Variants in ACSF2 observed in about 807,000 individuals in gnomAD.
ACSF2 encodes the protein acyl-CoA synthetase family member 2, also known as medium-chain acyl-CoA ligase ACSF2, mitochondrial.
In ACSF2, 52 loss-of-function variants were observed where a neutral mutation model predicts 79.3. That is an observed-to-expected ratio of 0.66 (90% CI 0.53 to 0.83). ACSF2 has a LOEUF of 0.83. ACSF2 is among the 40% of genes least tolerant of loss of function. The pLI is 0.00. For missense variants in ACSF2, 661 were observed against 803.3 expected (o/e 0.82, Z 2.14); for synonymous variants, 283 against 312.6 (o/e 0.91, Z 1.00).
At chr17:50,461,778 G>C (rs1449787470) in intron 4 of ACSF2, 92 bp downstream of exon 4, 2 of 1,497,904 alleles carry the variant, frequency 1.3e-6, no homozygotes, top group South Asian at 2.3e-5. Flanking sequence ...GTGTGAGCTA[G>C]GGCATGCATA....
chr17:50,468,385 G>A (rs2032885816), intron 10 of ACSF2: 1 of 1,614,222 alleles, frequency 6.2e-7, no homozygotes, highest in Non-Finnish European at 8.5e-7. Context: ...CCAGCGGGGA[G>A]AGCAACCCCC....
At chr17:50,429,223 C>T (rs1915298421) in intron 1 of ACSF2, among the ~76,000 whole-genome samples, 1 of 152,228 alleles carries the variant, frequency 6.6e-6, no homozygotes, top group African/African-American at 2.4e-5. Context: ...TCATTACTTA[C>T]TACCTTCTTG....
chr17:50,451,061 G>A (rs548169285), intron 1 of ACSF2, among the ~76,000 whole-genome samples: 72 of 152,188 alleles, frequency 4.7e-4, no homozygotes, highest in Middle Eastern at 6.8e-3. Context: ...CTAGGCCTCC[G>A]GAGTAGCTGG....
rs192740256 is a variant in ACSF2, at chr17:50,430,211, G to T, written c.128+3822G>T. 2.1e-3 allele frequency among the ~76,000 whole-genome samples: 327 copies of T among 152,298 alleles called. 1 individual carries two copies. The highest frequency in any genetic ancestry group is 8.1e-3 in the South Asian group (39 of 4,824). ...TTGTGGACCACCCTCCATGGGGATG[G>T]CTATGATCATATAAGACTGTGGACC... is the stretch of plus-strand genomic sequence containing the variant. On this transcript the variant is annotated intron_variant, in intron 1 of 15. Transcript: ENST00000300441.
intron 6 of ACSF2, chr17:50,462,928 A>C: frequency 1.7e-6 from 1 of 587,574 alleles, no homozygotes; most frequent in Admixed American, 3.2e-5. Context: ...TGTGGGTGGC[A>C]GAGTTCTCTG....
chr17:50,436,353 T>C (rs2030421265), intron 1 of ACSF2, among the ~76,000 whole-genome samples: 1 of 152,024 alleles, frequency 6.6e-6, no homozygotes, highest in African/African-American at 2.4e-5. Context: ...TTGGTCTCGA[T>C]CTCCTGACCT....
rs990891230 is a variant in ACSF2 at position 50,463,639 on chromosome 17, C to T, written c.1046+87C>T. 1.3e-6 allele frequency: 2 copies of T among 1,562,794 alleles called. No individual in the cohort carries two copies. Among genetic ancestry groups the T allele is most frequent in the Non-Finnish European group, 1.7e-6 (2 of 1,150,020 alleles). On this transcript the variant is annotated intron_variant, in intron 8 of 15. Transcript: ENST00000300441. The surrounding 1 kb of genome is among the most constrained non-coding windows in gnomAD (Gnocchi z 4.6). Reference sequence around the variant, plus strand: ...GCCCTGACACCTTTCCAAGCTGCCTCCTCCCTCCAGCCAGGAGACTGAGGA... The same window carrying T: ...GCCCTGACACCTTTCCAAGCTGCCTTCTCCCTCCAGCCAGGAGACTGAGGA...
intron 10 of ACSF2, chr17:50,466,017 G>A: frequency 1.4e-6 from 1 of 726,902 alleles, no homozygotes; most frequent in East Asian, 2.7e-5. Flanking sequence ...GTATGACCAA[G>A]TGATCTCAGA....
intron 1 of ACSF2, among the ~76,000 whole-genome samples, chr17:50,459,628 C>T (rs1246275619): frequency 6.6e-6 from 1 of 152,108 alleles, no homozygotes; most frequent in Non-Finnish European, 1.5e-5. Context: ...GCTTGACGTG[C>T]CCTTACTTAG....
At chr17:50,460,040 A>AT (rs201047892) in intron 1 of ACSF2, among the ~76,000 whole-genome samples, 1,761 of 152,284 alleles carry the variant, frequency 0.012, 42 homozygotes, top group African/African-American at 0.04. Context: ...GCCATTTGGC[A>AT]TATAGGGGCT....
At chr17:50,454,837 A>G (rs1002535214) in intron 1 of ACSF2, among the ~76,000 whole-genome samples, 8 of 152,120 alleles carry the variant, frequency 5.3e-5, no homozygotes, top group African/African-American at 1.7e-4. Context: ...ACATATGCCA[A>G]TTGAACTGGA....
chr17:50,468,451 G>T (rs1356039910), intron 10 of ACSF2: 1 of 1,614,158 alleles, frequency 6.2e-7, no homozygotes, highest in Admixed American at 1.7e-5. Flanking sequence ...GCTCGGTCAG[G>T]TCGTCGAAGG....
At chr17:50,437,703 G>T (rs183723196) in intron 1 of ACSF2, among the ~76,000 whole-genome samples, 5 of 151,956 alleles carry the variant, frequency 3.3e-5, no homozygotes, top group Admixed American at 2.6e-4. Context: ...CATAACAGGC[G>T]CTGTGGGTCT....
Position 50,462,189 on chromosome 17 carries a change from C to T in ACSF2, c.513C>T (p.Gly171=), listed in dbSNP as rs767525197. ...GGGGGACTCCCCTTCCACAGGTGGG[C>T]TGCAAGGCCCTTGTGTTCCCCAAGC... is the stretch of plus-strand genomic sequence containing the variant. The part of the protein sequence containing the change: ...MELEYVLKKV[G]CKALVFPKQF... Residue 171 remains glycine, a synonymous_variant, in exon 5 of 16, where the codon GGC becomes GGT. Coordinates refer to ENST00000300441, the MANE Select transcript of ACSF2 (RefSeq NM_025149.6). 10 of 1,613,828 alleles carry T rather than the reference C, an allele frequency of 6.2e-6. No homozygotes were observed. The South Asian group carries it at 1.1e-4, about 18-fold the overall frequency.
chr17:50,468,766 C>T, intron 10 of ACSF2: 2 of 1,586,652 alleles, frequency 1.3e-6, no homozygotes, highest in South Asian at 1.1e-5. Flanking sequence ...GCGCCGGCAG[C>T]AGACCAGCCA....
chr17:50,432,948 C>T (rs2030065822), intron 1 of ACSF2, among the ~76,000 whole-genome samples: 1 of 152,118 alleles, frequency 6.6e-6, no homozygotes, highest in African/African-American at 2.4e-5. Context: ...AGTATGCAGC[C>T]TTCATACGTG....
At position 50,460,873 on chromosome 17, in the gene ACSF2, G is replaced by C; in HGVS notation, c.324+1G>C. 1 of 1,606,924 alleles carries C rather than the reference G, an allele frequency of 6.2e-7. No individual in the cohort carries two copies. Among genetic ancestry groups the C allele is most frequent in the African/African-American group, 1.3e-5 (1 of 74,850 alleles). ...GACCTTTGCCCAACTCAAGGAGGAG[G>C]TGGGTCCTGACCTGGAAACCTCAAA... On this transcript the variant is annotated splice_donor_variant, in intron 2 of 15. Coordinates refer to ENST00000300441, the MANE Select transcript of ACSF2 (RefSeq NM_025149.6). LOFTEE classifies it high-confidence loss of function.
intron 10 of ACSF2, chr17:50,468,035 C>A: frequency 6.4e-7 from 1 of 1,574,720 alleles, no homozygotes; most frequent in Non-Finnish European, 8.7e-7. Context: ...CAGCCAGGAG[C>A]TCACCTTCTC....
chr17:50,441,466 T>C (rs1010443961), intron 1 of ACSF2, among the ~76,000 whole-genome samples: 1 of 152,242 alleles, frequency 6.6e-6, no homozygotes, highest in Non-Finnish European at 1.5e-5. Flanking sequence ...TGAGCCACCA[T>C]GCCTGGCCTG....
Sources: allele counts gnomAD v4.1 joint callset (sites outside exome capture counted in the v4.1 genomes callset), GRCh38; gene constraint gnomAD v4.1.1; non-coding constraint Gnocchi (gnomAD v3.1); transcripts MANE v1.5; gene names NCBI Gene and HGNC (gene_info 2026-07-23, HGNC 2026-07-21).